ATP7A: variants seen among roughly 807,000 people sequenced by gnomAD.
The protein encoded by ATP7A is copper-transporting ATPase 1.
Under a neutral mutation model 83.5 loss-of-function variants are expected in ATP7A, and 7 were observed. The ratio of observed to expected loss-of-function variants is 0.08; its 90% CI spans 0.05 to 0.16. ATP7A has a LOEUF of 0.16. Ranked by LOEUF, ATP7A falls within the 10% of genes least tolerant of loss-of-function variation. The pLI is 1.00. For synonymous variants in ATP7A, 354 were observed against 395.2 expected (o/e 0.90, Z 1.24); for missense variants, 940 against 1,120.8 (o/e 0.84, Z 2.30).
chrX:78,021,838 G>C (rs111237854), intron 14 of ATP7A, among the ~76,000 whole-genome samples: 27,902 of 110,588 alleles, frequency 0.25, 2,716 homozygotes, highest in South Asian at 0.35. Flanking sequence ...AAACTTTCAA[G>C]CCTAAAACAT....
At chrX:77,948,395 G>T (rs1224760205) in intron 1 of ATP7A, among the ~76,000 whole-genome samples, 1 of 111,774 alleles carries the variant, frequency 8.9e-6, no homozygotes. Flanking sequence ...CAAAGTGCTG[G>T]GATTACAGGC....
chrX:77,998,860 T>A (rs1475949972), intron 5 of ATP7A, among the ~76,000 whole-genome samples, 176 bp downstream of exon 5: 1 of 111,355 alleles, frequency 9.0e-6, no homozygotes, highest in African/African-American at 3.3e-5. Flanking sequence ...CTGCCTTAGA[T>A]AAAGTTCCTC....
chrX:77,968,366 G>C (rs1421986950), intron 1 of ATP7A, among the ~76,000 whole-genome samples: 2 of 111,993 alleles, frequency 1.8e-5, no homozygotes, highest in African/African-American at 6.5e-5. Context: ...TCCCAACCTA[G>C]AGCCAGATCC....
intron 1 of ATP7A, chrX:77,923,222 G>A (rs1006105801): frequency 8.9e-6 from 1 of 112,134 alleles, no homozygotes; most frequent in African/African-American, 3.2e-5. Flanking sequence ...GTAAAGATAT[G>A]TTGTTGTTAT....
At chrX:77,958,236 G>T (rs1450343533) in intron 1 of ATP7A, among the ~76,000 whole-genome samples, 1 of 110,803 alleles carries the variant, frequency 9.0e-6, no homozygotes, top group Non-Finnish European at 1.9e-5. Context: ...GCTTCCTGAG[G>T]CCCTCACAAG....
chrX:78,050,080 G>A lies in ATP7A; in HGVS notation c.*3510G>A, dbSNP rs2078104623. The A allele has an allele frequency of 8.9e-6, 1 of 112,001 alleles. No individual in the cohort carries two copies. Among genetic ancestry groups the A allele is most frequent in the South Asian group, 3.7e-4 (1 of 2,711 alleles). 9.2% of individuals were successfully genotyped at this position (112,001 alleles called of 1,213,427 possible). The stretch of plus-strand genomic sequence containing the variant: ...TAACTTTCTGCAGTCCCTCCATCTG[G>A]TATGAGTAACCAGATAGAGCACAAA... On this transcript the variant is annotated 3_prime_UTR_variant, in exon 23 of 23. Coordinates refer to ENST00000341514, the MANE Select transcript of ATP7A (RefSeq NM_000052.7).
In ATP7A at chrX:77,989,928, G is replaced by C; in HGVS notation, c.1306G>C (p.Glu436Gln). The change falls in exon 4 of 23, where the codon GAA becomes CAA. Residue 436 changes from glutamate to glutamine, a missense_variant. Physicochemically the swap from Glu to Gln is conservative, Grantham distance 29 (BLOSUM62 2). Around this residue, in one of 3 missense-constraint regions of ATP7A, gnomAD observed 350 missense variants for 432.8 expected, o/e 0.81. Transcript: ENST00000341514. Reference protein sequence around the residue: ...TSPETLRGAIEDMGFDATLSD... With the variant: ...TSPETLRGAIQDMGFDATLSD... ...TCCAGAAACGTTGAGAGGAGCAATA[G>C]AAGACATGGGATTTGATGCTACCTT... 12 of 1,211,376 alleles carry C rather than the reference G, an allele frequency of 9.9e-6. No homozygotes were observed. The highest frequency in any genetic ancestry group is 1.2e-5 in the Non-Finnish European group (11 of 895,208).
Position 78,049,262 on chromosome X carries a change from ACAT to A in ATP7A, c.*2693_*2695del, listed in dbSNP as rs782578079. On this transcript the variant is annotated 3_prime_UTR_variant, in exon 23 of 23. Transcript: ENST00000341514. Reference sequence around the variant, plus strand: ...AATGTGTATTTCTGTGTATTCACATACATATATATATACACACATATATATGTA... The same window carrying A: ...AATGTGTATTTCTGTGTATTCACATAATATATATACACACATATATATGTA... The A allele has an allele frequency of 1.8e-5, 2 of 112,199 alleles. No individual in the cohort carries two copies. The highest frequency in any genetic ancestry group is 5.6e-4 in the East Asian group (2 of 3,592). 9.2% of individuals were successfully genotyped at this position (112,199 alleles called of 1,213,427 possible). A position where few individuals can be genotyped will look rare whatever the true frequency, so the allele number is the denominator to read the frequency against.
chrX:77,926,133 T>C (rs2077240114), intron 1 of ATP7A, among the ~76,000 whole-genome samples: 1 of 111,149 alleles, frequency 9.0e-6, no homozygotes, highest in African/African-American at 3.3e-5. Context: ...TTTCATTGAG[T>C]ATCATTAAAG....
intron 14 of ATP7A, among the ~76,000 whole-genome samples, chrX:78,025,265 G>A (rs937663090): frequency 8.9e-6 from 1 of 111,984 alleles, no homozygotes; most frequent in African/African-American, 3.2e-5. Flanking sequence ...GGAAATGATA[G>A]CAAATTCAAA....
intron 4 of ATP7A, among the ~76,000 whole-genome samples, chrX:77,995,764 G>T (rs1352760520): frequency 9.1e-6 from 1 of 110,222 alleles, no homozygotes; most frequent in Non-Finnish European, 1.9e-5. Flanking sequence ...TTTGTTTTGC[G>T]AAGGAGTCTT....
At chrX:77,963,945 G>A (rs782026948) in intron 1 of ATP7A, 4 of 112,194 alleles carry the variant, frequency 3.6e-5, no homozygotes, top group Admixed American at 9.4e-5. Context: ...TAGAAAGAAC[G>A]AATTTTTTTT....
At chrX:77,947,532 G>A (rs1345120210) in intron 1 of ATP7A, among the ~76,000 whole-genome samples, 5 of 108,670 alleles carry the variant, frequency 4.6e-5, no homozygotes, top group African/African-American at 1.4e-4. Flanking sequence ...TCCGTCTCCC[G>A]GGTTCAAGTG....
At chrX:78,011,808 A>C (rs782130705) in intron 9 of ATP7A, 134 bp downstream of exon 9, 2 of 656,263 alleles carry the variant, frequency 3.0e-6, no homozygotes, top group Admixed American at 4.5e-5. Flanking sequence ...CTTTACAAAA[A>C]TAATCTTCAA....
At chrX:78,032,573 G>A (rs1412688023) in intron 16 of ATP7A, among the ~76,000 whole-genome samples, 2 of 111,795 alleles carry the variant, frequency 1.8e-5, no homozygotes, top group Non-Finnish European at 3.8e-5. Flanking sequence ...TATGAATAAG[G>A]TTGAGCATCT....
chrX:77,989,990 T>G, intron 4 of ATP7A, 32 bp downstream of exon 4: 1 of 1,207,299 alleles, frequency 8.3e-7, no homozygotes, highest in Non-Finnish European at 1.1e-6. Flanking sequence ...ATTACCCTAA[T>G]GTTCTTTTAC....
At chrX:77,944,175 T>G (rs1334652372) in intron 1 of ATP7A, among the ~76,000 whole-genome samples, 1 of 112,715 alleles carries the variant, frequency 8.9e-6, no homozygotes, top group Non-Finnish European at 1.9e-5. Flanking sequence ...CTCAAATTTG[T>G]GTTTTTAACT....
chrX:78,029,142 A>G, intron 14 of ATP7A, 108 bp from the exon 15 acceptor site: 1 of 829,088 alleles, frequency 1.2e-6, no homozygotes, highest in Non-Finnish European at 1.8e-6. Flanking sequence ...GCTAGGTAGG[A>G]TATGTCACTT....
chrX:77,955,279 T>C (rs983750314), intron 1 of ATP7A, among the ~76,000 whole-genome samples: 7 of 111,926 alleles, frequency 6.3e-5, no homozygotes, highest in Non-Finnish European at 1.3e-4. Context: ...CATCAACATT[T>C]TATTTTATTT....
Sources: allele counts gnomAD v4.1 joint callset (sites outside exome capture counted in the v4.1 genomes callset), GRCh38; gene constraint gnomAD v4.1.1; regional missense constraint gnomAD v4.1.1; transcripts MANE v1.5; gene names NCBI Gene and HGNC (gene_info 2026-07-23, HGNC 2026-07-21).